MACROH2A2: variants seen among roughly 807,000 people sequenced by gnomAD.
MACROH2A2 encodes the protein core histone macro-H2A.2.
A neutral mutation model predicts 37.6 loss-of-function variants in MACROH2A2; 6 were observed. That is an observed-to-expected ratio of 0.16 (90% confidence interval 0.09 to 0.32). The LOEUF (loss-of-function observed/expected upper bound fraction) is 0.32, where lower values mean the gene tolerates loss of function less well. MACROH2A2 is among the 10% of genes least tolerant of loss of function. The pLI, the probability that MACROH2A2 is intolerant of heterozygous loss-of-function variation, is 1.00. For synonymous variants in MACROH2A2, 192 were observed against 202.7 expected, an observed-to-expected ratio of 0.95 and a Z score of 0.45; for missense variants, 290 against 485.9, an observed-to-expected ratio of 0.60 and a Z score of 3.79.
intron 2 of MACROH2A2, among the ~76,000 whole-genome samples, chr10:70,087,966 G>A (rs16927250): frequency 0.16 from 24,272 of 152,094 alleles, 2,010 homozygotes; most frequent in East Asian, 0.24. Context: ...TGTGATTGCC[G>A]TAGATTTTAT....
intron 1 of MACROH2A2, among the ~76,000 whole-genome samples, chr10:70,065,427 T>C (rs1016401911): frequency 3.9e-5 from 6 of 152,106 alleles, no homozygotes; most frequent in African/African-American, 1.4e-4. Flanking sequence ...ACCAGACATT[T>C]AAGAAAAGCC....
intron 5 of MACROH2A2, among the ~76,000 whole-genome samples, 170 bp from the exon 6 acceptor site, chr10:70,095,484 T>G (rs2072269942): frequency 6.6e-6 from 1 of 152,154 alleles, no homozygotes; most frequent in Non-Finnish European, 1.5e-5. Context: ...CTCAAAGAGC[T>G]TATTGCAAGC....
chr10:70,067,564 A>C (rs548038076), intron 1 of MACROH2A2, among the ~76,000 whole-genome samples: 6 of 152,224 alleles, frequency 3.9e-5, no homozygotes, highest in Non-Finnish European at 7.3e-5. Flanking sequence ...AACCATGTAA[A>C]TGGAGTTTAA....
intron 2 of MACROH2A2, among the ~76,000 whole-genome samples, chr10:70,088,553 T>C (rs1048952677): frequency 2.6e-5 from 4 of 152,222 alleles, no homozygotes; most frequent in Non-Finnish European, 2.9e-5. Flanking sequence ...GCATGGGAAA[T>C]AGCTTTAGGA....
intron 1 of MACROH2A2, among the ~76,000 whole-genome samples, chr10:70,074,377 T>C (rs1016513061): frequency 6.6e-6 from 1 of 152,250 alleles, no homozygotes; most frequent in Admixed American, 6.5e-5. Flanking sequence ...GCATTATGGC[T>C]TTTCATTTGC....
Position 70,109,166 on chromosome 10 carries a change from G to A in MACROH2A2, c.912G>A (p.Lys304=), listed in dbSNP as rs1386156776. The A allele has an allele frequency of 6.2e-7, 1 of 1,614,124 alleles. No homozygotes were observed. The highest frequency in any genetic ancestry group is 8.5e-7 in the Non-Finnish European group (1 of 1,180,036). Residue 304 remains lysine, a synonymous_variant, in exon 8 of 9, where the codon AAG becomes AAA. Transcript: ENST00000373255. ...IKNCLSAAED[K]KLKSVAFPPF... ...ACTGCCTGTCAGCGGCGGAGGACAA[G>A]AAGCTAAAGTCCGTCGCGTTCCCGC...
At chr10:70,060,177 C>G (rs778729750) in intron 1 of MACROH2A2, among the ~76,000 whole-genome samples, 1 of 151,930 alleles carries the variant, frequency 6.6e-6, no homozygotes. Context: ...GGAGACCAGT[C>G]TGGCCCACAT....
intron 1 of MACROH2A2, among the ~76,000 whole-genome samples, chr10:70,063,966 A>T (rs1210077001): frequency 1.3e-5 from 2 of 152,254 alleles, no homozygotes; most frequent in Non-Finnish European, 2.9e-5. Flanking sequence ...TTTCCAGGAC[A>T]GCTCGGTGAA....
At chr10:70,082,487 C>T (rs2072185292) in intron 2 of MACROH2A2, among the ~76,000 whole-genome samples, 1 of 151,708 alleles carries the variant, frequency 6.6e-6, no homozygotes, top group Admixed American at 6.6e-5. Flanking sequence ...ATTTGTGCAA[C>T]CATGTTCTTA....
At chr10:70,087,965 C>T (rs2072221210) in intron 2 of MACROH2A2, among the ~76,000 whole-genome samples, 1 of 152,032 alleles carries the variant, frequency 6.6e-6, no homozygotes, top group African/African-American at 2.4e-5. Context: ...TTGTGATTGC[C>T]GTAGATTTTA....
At chr10:70,087,640 AG>A (rs1389994001) in intron 2 of MACROH2A2, among the ~76,000 whole-genome samples, 4 of 152,184 alleles carry the variant, frequency 2.6e-5, no homozygotes, top group Non-Finnish European at 4.4e-5. Flanking sequence ...TCATTTTTCC[AG>A]TATAATCCAT....
intron 7 of MACROH2A2, among the ~76,000 whole-genome samples, chr10:70,100,761 C>T (rs915191188): frequency 1.3e-5 from 2 of 151,930 alleles, no homozygotes; most frequent in African/African-American, 2.4e-5. Context: ...GAATTACAGG[C>T]GCATGCCACC....
intron 8 of MACROH2A2, among the ~76,000 whole-genome samples, chr10:70,111,301 C>A (rs1179537181): frequency 6.6e-6 from 1 of 152,108 alleles, no homozygotes; most frequent in East Asian, 1.9e-4. Flanking sequence ...CAAATTAAAT[C>A]ATTGTGCCTC....
intron 1 of MACROH2A2, among the ~76,000 whole-genome samples, chr10:70,063,475 A>G (rs988814799): frequency 3.9e-5 from 6 of 152,194 alleles, no homozygotes; most frequent in African/African-American, 1.4e-4. Context: ...AAAATTTTAT[A>G]TTCTTCAATT....
At chr10:70,069,686 C>T (rs1177650767) in intron 1 of MACROH2A2, among the ~76,000 whole-genome samples, 12 of 152,024 alleles carry the variant, frequency 7.9e-5, no homozygotes, top group Non-Finnish European at 1.6e-4. Context: ...GAAATTGTTT[C>T]CTTCAGGCTA....
chr10:70,067,448 G>A (rs2072085823), intron 1 of MACROH2A2, among the ~76,000 whole-genome samples: 1 of 152,162 alleles, frequency 6.6e-6, no homozygotes, highest in Non-Finnish European at 1.5e-5. Flanking sequence ...CTGGACCACA[G>A]AGAAGAAACT....
chr10:70,079,235 C>T (rs1447588687), intron 2 of MACROH2A2, among the ~76,000 whole-genome samples: 1 of 151,858 alleles, frequency 6.6e-6, no homozygotes, highest in African/African-American at 2.4e-5. Context: ...ATTTCAAATC[C>T]TGATGCCTGG....
In MACROH2A2 at chr10:70,095,606, A is replaced by G. The variant is rs766300671; in HGVS notation, c.589-48A>G. On this transcript the variant is annotated intron_variant, in intron 5 of 8. Transcript: ENST00000373255. ...TGCAAGTAAAATATGAGATTTTTCA[A>G]CAGAATTTTATCTTTTCCACATTCA... 5.6e-6 allele frequency: 5 copies of G among 894,748 alleles called. No individual in the cohort carries two copies. In the African/African-American group the frequency reaches 6.6e-5, roughly 12 times the overall value. 55.4% of individuals were successfully genotyped at this position (894,748 alleles called of 1,614,324 possible).
chr10:70,060,888 T>G (rs553284918), intron 1 of MACROH2A2, among the ~76,000 whole-genome samples: 1 of 151,806 alleles, frequency 6.6e-6, no homozygotes, highest in Non-Finnish European at 1.5e-5. Flanking sequence ...GGAGGCTAAG[T>G]TGGGAGGACT....
Sources: gnomAD v4.1 joint callset for allele counts (sites outside exome capture counted in the v4.1 genomes callset) on GRCh38, gnomAD v4.1.1 for gene constraint, MANE v1.5 for transcripts, NCBI Gene and HGNC (gene_info 2026-07-23, HGNC 2026-07-21) for gene names.